CAPS2: variants seen among roughly 807,000 people sequenced by gnomAD.
CAPS2 encodes calcyphosin-2.
CAPS2 carries 98 observed loss-of-function variants against 86.5 expected under a neutral mutation model. That is an observed-to-expected ratio of 1.13 (90% CI 0.96 to 1.34). The LOEUF (loss-of-function observed/expected upper bound fraction) is 1.34, where lower values mean the gene tolerates loss of function less well. Among genes scored for constraint, CAPS2 ranks in the 40% most tolerant of loss-of-function variants. CAPS2 has a pLI of 0.00. For missense variants in CAPS2, 729 were observed against 686.8 expected (o/e 1.06, Z -0.69); for synonymous variants, 210 against 225.1 (o/e 0.93, Z 0.60).
At chr12:75,282,160 G>GGGAGGAAATAAATAA (rs2034068254) in intron 16 of CAPS2, 91 bp downstream of exon 16, 1 of 749,938 alleles carries the variant, frequency 1.3e-6, no homozygotes, top group Non-Finnish European at 2.3e-6. Flanking sequence ...CTCCCTAATG[G>GGGAGGAAATAAATAA]CCTCAGTCTA....
chr12:75,312,768 A>G, intron 7 of CAPS2, 80 bp downstream of exon 7: 1 of 844,146 alleles, frequency 1.2e-6, no homozygotes, highest in Non-Finnish European at 2.0e-6. Context: ...TAATTGACCA[A>G]GGATATGAAT....
chr12:75,347,990 T>C (rs1365014883), intron 1 of CAPS2, among the ~76,000 whole-genome samples: 1 of 152,068 alleles, frequency 6.6e-6, no homozygotes, highest in Non-Finnish European at 1.5e-5. Context: ...ATATAAAATA[T>C]GTTGCCACAG....
At chr12:75,373,304 CTTA>C (rs2044474002) in intron 1 of CAPS2, among the ~76,000 whole-genome samples, 1 of 152,190 alleles carries the variant, frequency 6.6e-6, no homozygotes. Context: ...ATCCTATTCA[CTTA>C]TTATTAAAAT....
intron 11 of CAPS2, chr12:75,298,414 G>C (rs935876867): frequency 2.4e-6 from 1 of 412,450 alleles, no homozygotes; most frequent in African/African-American, 2.0e-5. Flanking sequence ...AAAGTACGAA[G>C]ATACAACTTC....
intron 1 of CAPS2, among the ~76,000 whole-genome samples, chr12:75,356,954 A>G (rs1010544210): frequency 6.6e-6 from 1 of 152,294 alleles, no homozygotes; most frequent in Non-Finnish European, 1.5e-5. Context: ...CAAGAGGCTG[A>G]TGTGGGAGAA....
intron 1 of CAPS2, among the ~76,000 whole-genome samples, chr12:75,388,985 A>T (rs1211778661): frequency 6.6e-6 from 1 of 151,888 alleles, no homozygotes; most frequent in Non-Finnish European, 1.5e-5. Context: ...AGGAATTGGT[A>T]AAAAAAACAA....
chr12:75,306,339 T>C (rs2038495029), intron 7 of CAPS2: 1 of 508,902 alleles, frequency 2.0e-6, no homozygotes. Context: ...CTACTGCTCC[T>C]GTAACAGTGT....
At chr12:75,343,935 A>C (rs1182647241) in intron 1 of CAPS2, 1 of 1,602,654 alleles carries the variant, frequency 6.2e-7, no homozygotes, top group Non-Finnish European at 8.5e-7. Flanking sequence ...GCCATTATAC[A>C]CAGGTAAATA....
At chr12:75,358,314 AC>A (rs956232275) in intron 1 of CAPS2, among the ~76,000 whole-genome samples, 10 of 151,954 alleles carry the variant, frequency 6.6e-5, no homozygotes, top group Non-Finnish European at 2.9e-5. Context: ...AAACATAGGT[AC>A]AAAAAAATCT....
intron 4 of CAPS2, among the ~76,000 whole-genome samples, chr12:75,322,457 A>T (rs1209706135): frequency 1.3e-5 from 2 of 152,224 alleles, no homozygotes; most frequent in Non-Finnish European, 2.9e-5. Flanking sequence ...TTATTTATGC[A>T]ATTTTCCAAA....
intron 8 of CAPS2, among the ~76,000 whole-genome samples, chr12:75,302,628 G>A (rs76311933): frequency 0.042 from 6,415 of 152,186 alleles, 155 homozygotes; most frequent in African/African-American, 0.053. Flanking sequence ...AGTAGGAAAA[G>A]ATATGTGCGA....
At chr12:75,276,609 G>T (rs2032980091), downstream of CAPS2, 1 of 931,526 alleles carries the variant, frequency 1.1e-6, no homozygotes, top group East Asian at 1.2e-4. Flanking sequence ...TTAAAAGTTA[G>T]CTTAAAATTC....
At chr12:75,358,706 T>C (rs2043318957) in intron 1 of CAPS2, among the ~76,000 whole-genome samples, 2 of 145,962 alleles carry the variant, frequency 1.4e-5, no homozygotes, top group South Asian at 4.2e-4. Flanking sequence ...GTTTTGCTTT[T>C]TTAAACCATA....
chr12:75,345,534 G>C (rs1435349082), intron 1 of CAPS2, among the ~76,000 whole-genome samples: 1 of 152,120 alleles, frequency 6.6e-6, no homozygotes, highest in Non-Finnish European at 1.5e-5. Flanking sequence ...AAAGCAACTT[G>C]TTCTTATCAG....
intron 16 of CAPS2, among the ~76,000 whole-genome samples, chr12:75,280,287 G>A (rs146434785): frequency 1.1e-3 from 162 of 151,846 alleles, no homozygotes; most frequent in African/African-American, 3.4e-3. Context: ...CCAGAGGTGC[G>A]CATGTGAATA....
At chr12:75,367,576 GTTA>G (rs1357000263) in intron 1 of CAPS2, among the ~76,000 whole-genome samples, 4 of 151,892 alleles carry the variant, frequency 2.6e-5, no homozygotes, top group African/African-American at 9.7e-5. Flanking sequence ...TATATTTGTA[GTTA>G]TTATAAATAT....
At chr12:75,375,382 A>AG (rs1263942266) in intron 1 of CAPS2, among the ~76,000 whole-genome samples, 1 of 152,200 alleles carries the variant, frequency 6.6e-6, no homozygotes, top group African/African-American at 2.4e-5. Flanking sequence ...GCCAATATCC[A>AG]GTAGTTCCTG....
At chr12:75,351,140 G>T (rs189084623) in intron 1 of CAPS2, among the ~76,000 whole-genome samples, 13 of 152,192 alleles carry the variant, frequency 8.5e-5, no homozygotes, top group African/African-American at 2.9e-4. Context: ...AGGCAGACAA[G>T]ATTAGAGAAA....
intron 6 of CAPS2, among the ~76,000 whole-genome samples, chr12:75,314,344 A>G (rs568976706): frequency 6.6e-5 from 10 of 152,308 alleles, no homozygotes; most frequent in Non-Finnish European, 1.2e-4. Context: ...AGGTTATTTA[A>G]CACTTTCATT....
Sources: gnomAD v4.1 joint callset for allele counts (sites outside exome capture counted in the v4.1 genomes callset) on GRCh38, gnomAD v4.1.1 for gene constraint, MANE v1.5 for transcripts, NCBI Gene and HGNC (gene_info 2026-07-23, HGNC 2026-07-21) for gene names.